AGFG1: variants seen among roughly 807,000 people sequenced by gnomAD.
The protein encoded by AGFG1 is ArfGAP with FG repeats 1.
Under a neutral mutation model 60.6 loss-of-function variants are expected in AGFG1, and 10 were observed. The ratio of observed to expected loss-of-function variants is 0.16; its 90% CI spans 0.10 to 0.28. The LOEUF (loss-of-function observed/expected upper bound fraction) is 0.28. Ranked by LOEUF, AGFG1 falls within the 10% of genes least tolerant of loss-of-function variation. The pLI, the probability that AGFG1 is intolerant of heterozygous loss-of-function variation, is 1.00. For synonymous variants in AGFG1, 247 were observed against 242.9 expected, an observed-to-expected ratio of 1.02 and a Z score of -0.16; for missense variants, 537 against 676.5, an observed-to-expected ratio of 0.79 and a Z score of 2.29.
chr2:227,509,322 T>C (rs1331554425), intron 2 of AGFG1, among the ~76,000 whole-genome samples: 3 of 152,042 alleles, frequency 2.0e-5, no homozygotes, highest in Non-Finnish European at 4.4e-5. Flanking sequence ...CCTGTACTCT[T>C]CAAAGATATC....
At chr2:227,553,968 TTTA>T (rs1692897493) in intron 12 of AGFG1, among the ~76,000 whole-genome samples, 173 bp downstream of exon 12, 1 of 152,210 alleles carries the variant, frequency 6.6e-6, no homozygotes, top group Non-Finnish European at 1.5e-5. Context: ...TTTCTGACCT[TTTA>T]AAAAATTAGT....
chr2:227,524,659 A>G, intron 4 of AGFG1, 103 bp from the exon 5 acceptor site: 1 of 1,195,674 alleles, frequency 8.4e-7, no homozygotes, highest in Non-Finnish European at 1.2e-6. Flanking sequence ...AGCATACTGT[A>G]ACTCTTCGTA....
intron 2 of AGFG1, among the ~76,000 whole-genome samples, chr2:227,492,806 T>G (rs531712983): frequency 1.3e-5 from 2 of 152,216 alleles, no homozygotes; most frequent in African/African-American, 4.8e-5. Context: ...TAAAGCTGGA[T>G]GAAAAGGTAG....
At chr2:227,508,523 TG>T in intron 2 of AGFG1, 1 of 412,316 alleles carries the variant, frequency 2.4e-6, no homozygotes, top group South Asian at 1.8e-5. Context: ...GCTTTTTCTG[TG>T]TGTACATCTA....
chr2:227,524,748 T>C lies in AGFG1; in HGVS notation c.541-14T>C, dbSNP rs1170744389. On this transcript the variant is annotated splice_polypyrimidine_tract_variant and intron_variant, in intron 4 of 12. Coordinates refer to ENST00000310078, the MANE Select transcript of AGFG1 (RefSeq NM_004504.5). Reference sequence around the variant, plus strand: ...CCGACTGGAATATCTTTATAGTTAATATGTGGTTTGTAGTCCCCAGTTGTA... The same window carrying C: ...CCGACTGGAATATCTTTATAGTTAACATGTGGTTTGTAGTCCCCAGTTGTA... 5 of 1,613,594 alleles carry C rather than the reference T, an allele frequency of 3.1e-6. No individual in the cohort carries two copies. Among genetic ancestry groups the C allele is most frequent in the African/African-American group, 1.3e-5 (1 of 75,050 alleles).
chr2:227,553,922 T>A (rs533849213), intron 12 of AGFG1, 127 bp downstream of exon 12: 1 of 662,474 alleles, frequency 1.5e-6, no homozygotes, highest in African/African-American at 1.8e-5. Flanking sequence ...ATCATAAGAT[T>A]GTACAAATTG....
At chr2:227,553,966 C>G (rs1206509985) in intron 12 of AGFG1, among the ~76,000 whole-genome samples, 171 bp downstream of exon 12, 1 of 152,014 alleles carries the variant, frequency 6.6e-6, no homozygotes, top group Non-Finnish European at 1.5e-5. Flanking sequence ...CTTTTCTGAC[C>G]TTTTAAAAAA....
intron 2 of AGFG1, among the ~76,000 whole-genome samples, chr2:227,511,784 C>A (rs1691503421): frequency 6.6e-6 from 1 of 152,108 alleles, no homozygotes; most frequent in Non-Finnish European, 1.5e-5. Flanking sequence ...AGGTTCCTGC[C>A]TCATGACATA....
At chr2:227,510,923 TC>T (rs562310107) in intron 2 of AGFG1, 159 of 152,368 alleles carry the variant, frequency 1.0e-3, no homozygotes, top group African/African-American at 3.4e-3. Context: ...AATATTTGCT[TC>T]TTTTTTTTCC....
intron 2 of AGFG1, among the ~76,000 whole-genome samples, chr2:227,502,096 G>GATC (rs1691175103): frequency 6.6e-6 from 1 of 152,082 alleles, no homozygotes; most frequent in Non-Finnish European, 1.5e-5. Flanking sequence ...TGACTAAAGC[G>GATC]ATCCACCTGT....
chr2:227,477,062 C>T (rs931268721), intron 1 of AGFG1, among the ~76,000 whole-genome samples: 6 of 151,904 alleles, frequency 3.9e-5, no homozygotes, highest in South Asian at 2.1e-4. Context: ...CCACCATGCC[C>T]GGCTAGTTTT....
chr2:227,536,802 A>G, intron 9 of AGFG1, 98 bp downstream of exon 9: 2 of 1,549,094 alleles, frequency 1.3e-6, no homozygotes, highest in Middle Eastern at 3.4e-4. Context: ...TGTTATCAGA[A>G]TCCTTGAGTT....
Position 227,555,561 on chromosome 2 carries a change from T to G in AGFG1, c.*1066T>G, listed in dbSNP as rs537079537. On this transcript the variant is annotated 3_prime_UTR_variant, in exon 13 of 13. Transcript: ENST00000310078. ...ACCTCAGTTTTTTTCTTTCTTTTTTTGGGCAAACTGATATTATCTATAGGA... is the reference window on the plus strand; with the variant it reads ...ACCTCAGTTTTTTTCTTTCTTTTTTGGGGCAAACTGATATTATCTATAGGA... 6 of 152,748 alleles carry G rather than the reference T, an allele frequency of 3.9e-5. No individual in the cohort carries two copies. The East Asian group carries it at 7.7e-4, about 20-fold the overall frequency. 9.5% of individuals were successfully genotyped at this position (152,748 alleles called of 1,614,324 possible).
chr2:227,525,117 A>G (rs1691953161), intron 5 of AGFG1, among the ~76,000 whole-genome samples: 1 of 152,234 alleles, frequency 6.6e-6, no homozygotes, highest in African/African-American at 2.4e-5. Context: ...GTCGGTTGGC[A>G]TGACCTCTTT....
chr2:227,481,163 T>G (rs889918992), intron 1 of AGFG1, among the ~76,000 whole-genome samples: 3 of 147,140 alleles, frequency 2.0e-5, no homozygotes, highest in African/African-American at 7.4e-5. Context: ...AGTGCAGACA[T>G]ATTTTCTCCA....
At chr2:227,544,204 G>C (rs1692576623) in intron 10 of AGFG1, among the ~76,000 whole-genome samples, 1 of 134,110 alleles carries the variant, frequency 7.5e-6, no homozygotes, top group Non-Finnish European at 1.5e-5. Context: ...ACCCAGCCTG[G>C]AGTGCAGTGG....
chr2:227,530,176 C>CGATT (rs1327623579), intron 5 of AGFG1, among the ~76,000 whole-genome samples: 11 of 152,086 alleles, frequency 7.2e-5, no homozygotes, highest in Admixed American at 7.2e-4. Context: ...TTTTGAAATA[C>CGATT]GATTATTCAA....
intron 6 of AGFG1, among the ~76,000 whole-genome samples, chr2:227,531,961 T>C (rs1347391774): frequency 6.6e-6 from 1 of 152,210 alleles, no homozygotes; most frequent in Non-Finnish European, 1.5e-5. Flanking sequence ...AAACATTGAA[T>C]ACTCTTTCCA....
Position 227,555,950 on chromosome 2 carries a change from G to A in AGFG1, c.*1455G>A, listed in dbSNP as rs186540263. 1 of 152,102 alleles carries A rather than the reference G, an allele frequency of 6.6e-6. No homozygotes were observed. The highest frequency in any genetic ancestry group is 2.4e-5 in the African/African-American group (1 of 41,414). The allele number at this position is 152,102 out of a possible 1,614,324, so 9.4% of individuals were successfully genotyped here. On this transcript the variant is annotated 3_prime_UTR_variant, in exon 13 of 13. Transcript: ENST00000310078. ...ACTATAGCATATTAGCTGTTTAGAAGGGATGGCTTGAAAGGAAGGAGACTG... is the reference window on the plus strand; with the variant it reads ...ACTATAGCATATTAGCTGTTTAGAAAGGATGGCTTGAAAGGAAGGAGACTG...
Sources: allele counts gnomAD v4.1 joint callset (sites outside exome capture counted in the v4.1 genomes callset), GRCh38; gene constraint gnomAD v4.1.1; transcripts MANE v1.5; gene names NCBI Gene and HGNC (gene_info 2026-07-23, HGNC 2026-07-21).